The following PPP1R12B variants were observed in gnomAD, a reference collection of about 807,000 sequenced individuals.
PPP1R12B encodes protein phosphatase 1 regulatory subunit 12B.
In PPP1R12B, 76 loss-of-function variants were observed where a neutral mutation model predicts 126.1. The ratio of observed to expected loss-of-function variants is 0.60; its 90% CI spans 0.50 to 0.73. The LOEUF (loss-of-function observed/expected upper bound fraction) is 0.73. Ranked by LOEUF, PPP1R12B falls within the 30% of genes least tolerant of loss-of-function variation. PPP1R12B has a pLI of 0.00. For synonymous variants in PPP1R12B, 356 were observed against 434.7 expected, an observed-to-expected ratio of 0.82 and a Z score of 2.25; for missense variants, 1,052 against 1,205.1, an observed-to-expected ratio of 0.87 and a Z score of 1.88.
At chr1:202,462,896 G>A in intron 13 of PPP1R12B, 2 of 985,350 alleles carry the variant, frequency 2.0e-6, no homozygotes, top group Non-Finnish European at 2.4e-6. Context: ...GCTTTCACCT[G>A]GAATGATTTG....
Position 202,586,887 on chromosome 1 carries a change from A to G in PPP1R12B, c.*6327A>G, listed in dbSNP as rs1689847832. On this transcript the variant is annotated 3_prime_UTR_variant, in exon 24 of 24. Coordinates refer to ENST00000608999, the MANE Select transcript of PPP1R12B (RefSeq NM_002481.4). ...CAATTTGGGGATAACTCTTGGATCTAGCTTATGTGCGTTCACATGCACATT... is the reference window on the plus strand; with the variant it reads ...CAATTTGGGGATAACTCTTGGATCTGGCTTATGTGCGTTCACATGCACATT... 1 of 152,282 alleles carries G rather than the reference A, an allele frequency of 6.6e-6. No individual in the cohort carries two copies. The highest frequency in any genetic ancestry group is 6.5e-5 in the Admixed American group (1 of 15,286). The allele number at this position is 152,282 out of a possible 1,614,324, so 9.4% of individuals were successfully genotyped here.
chr1:202,386,950 A>G (rs1173626690), intron 1 of PPP1R12B, among the ~76,000 whole-genome samples: 5 of 152,224 alleles, frequency 3.3e-5, no homozygotes, highest in Non-Finnish European at 7.3e-5. Context: ...AAGTGAAATA[A>G]AAATAAGTTA....
intron 3 of PPP1R12B, among the ~76,000 whole-genome samples, chr1:202,424,687 T>G (rs1348192342): frequency 6.6e-6 from 1 of 152,066 alleles, no homozygotes; most frequent in Non-Finnish European, 1.5e-5. Flanking sequence ...GTGTAAAACT[T>G]TTTGAATGGG....
rs1016203855 is a variant in PPP1R12B at position 202,462,176 on chromosome 1, A to G, written c.1850+13005A>G. Reference sequence around the variant, plus strand: ...CTAATGGGCATGTGAATTATGTCTCAATAAAGCTGTTTAAAAATAACATTA... The same window carrying G: ...CTAATGGGCATGTGAATTATGTCTCGATAAAGCTGTTTAAAAATAACATTA... On this transcript the variant is annotated intron_variant, in intron 13 of 23. Coordinates refer to ENST00000608999, the MANE Select transcript of PPP1R12B (RefSeq NM_002481.4). 3.9e-5 allele frequency among the ~76,000 whole-genome samples: 6 copies of G among 152,208 alleles called. No homozygotes were observed. In the South Asian group the frequency reaches 1.2e-3, roughly 31 times the overall value.
intron 18 of PPP1R12B, among the ~76,000 whole-genome samples, chr1:202,505,204 A>T (rs1025277942): frequency 1.3e-5 from 2 of 152,198 alleles, no homozygotes; most frequent in African/African-American, 4.8e-5. Context: ...AAATGTTTCA[A>T]ATTGTGTTTG....
At chr1:202,537,479 G>C (rs1684667939) in intron 18 of PPP1R12B, among the ~76,000 whole-genome samples, 1 of 152,210 alleles carries the variant, frequency 6.6e-6, no homozygotes, top group South Asian at 2.1e-4. Flanking sequence ...GGGCATGACT[G>C]TACAGTGGTA....
chr1:202,366,910 G>A (rs1015524983), intron 1 of PPP1R12B, among the ~76,000 whole-genome samples: 1 of 152,174 alleles, frequency 6.6e-6, no homozygotes, highest in African/African-American at 2.4e-5. Context: ...TGGAGTCACT[G>A]TACTGTGCCA....
Position 202,588,991 on chromosome 1 carries a change from T to C in PPP1R12B, c.*8431T>C, listed in dbSNP as rs1690008313. 1 of 152,158 alleles carries C rather than the reference T, an allele frequency of 6.6e-6. No homozygotes were observed. Among genetic ancestry groups the C allele is most frequent in the Non-Finnish European group, 1.5e-5 (1 of 68,052 alleles). The allele number at this position is 152,158 out of a possible 1,614,324, so 9.4% of individuals were successfully genotyped here. ...GTGAACACTAGCACACTCTAGTACA[T>C]GGGAAAGTTGAGGTCTAGGGAGGTG... On this transcript the variant is annotated 3_prime_UTR_variant, in exon 24 of 24. Transcript: ENST00000608999.
chr1:202,354,669 G>A (rs1229026966), intron 1 of PPP1R12B, among the ~76,000 whole-genome samples: 1 of 149,992 alleles, frequency 6.7e-6, no homozygotes, highest in Non-Finnish European at 1.5e-5. Context: ...TTTTTTTTGA[G>A]ACAGAGTCTC....
chr1:202,402,753 C>CGT (rs568266152), intron 1 of PPP1R12B, among the ~76,000 whole-genome samples: 30 of 152,292 alleles, frequency 2.0e-4, no homozygotes, highest in African/African-American at 7.2e-4. Flanking sequence ...AGAGATGCAA[C>CGT]TCAAACACCT....
chr1:202,472,058 C>T, intron 13 of PPP1R12B: 1 of 1,594,104 alleles, frequency 6.3e-7, no homozygotes, highest in Non-Finnish European at 8.5e-7. Flanking sequence ...GGCGTTTCTT[C>T]TTGTGTTTCC....
intron 18 of PPP1R12B, among the ~76,000 whole-genome samples, chr1:202,503,430 A>G (rs545816026): frequency 3.3e-5 from 5 of 152,246 alleles, no homozygotes; most frequent in Non-Finnish European, 7.3e-5. Flanking sequence ...TCTGATTGAC[A>G]TATTTCTACA....
chr1:202,473,974 C>T (rs772846535), intron 13 of PPP1R12B: 9 of 531,422 alleles, frequency 1.7e-5, no homozygotes, highest in Middle Eastern at 3.2e-4. Context: ...TTTCTTGGAG[C>T]GCTCTTTGTC....
chr1:202,482,459 GT>G (rs1466039476), intron 13 of PPP1R12B, among the ~76,000 whole-genome samples: 1 of 152,030 alleles, frequency 6.6e-6, no homozygotes, highest in Non-Finnish European at 1.5e-5. Context: ...ACCTATTGTG[GT>G]TTTGATTTTC....
chr1:202,361,084 G>A (rs966376447), intron 1 of PPP1R12B, among the ~76,000 whole-genome samples: 3 of 151,936 alleles, frequency 2.0e-5, no homozygotes, highest in Admixed American at 2.0e-4. Flanking sequence ...TAGTAGAGAC[G>A]AGGTTTCACC....
chr1:202,460,852 A>G (rs1425145609), intron 13 of PPP1R12B, among the ~76,000 whole-genome samples: 1 of 152,222 alleles, frequency 6.6e-6, no homozygotes, highest in Non-Finnish European at 1.5e-5. Context: ...CCTAATCCTT[A>G]GGTAGCAAAA....
At chr1:202,536,436 A>T (rs1684536726) in intron 18 of PPP1R12B, among the ~76,000 whole-genome samples, 1 of 152,204 alleles carries the variant, frequency 6.6e-6, no homozygotes, top group Non-Finnish European at 1.5e-5. Context: ...ATTAAAAATG[A>T]TATACCTGTA....
At chr1:202,455,191 T>TAC in intron 13 of PPP1R12B, among the ~76,000 whole-genome samples, 1 of 124,836 alleles carries the variant, frequency 8.0e-6, no homozygotes, top group South Asian at 3.4e-4. Context: ...AGGAGCTATA[T>TAC]ACATATATAT....
At chr1:202,455,175 G>A (rs1427478435) in intron 13 of PPP1R12B, among the ~76,000 whole-genome samples, 1 of 148,342 alleles carries the variant, frequency 6.7e-6, no homozygotes, top group African/African-American at 2.4e-5. Flanking sequence ...AGCTTGAGGA[G>A]TAGGTAGGAG....
Sources: allele counts gnomAD v4.1 joint callset (sites outside exome capture counted in the v4.1 genomes callset), GRCh38; gene constraint gnomAD v4.1.1; transcripts MANE v1.5; gene names NCBI Gene and HGNC (gene_info 2026-07-23, HGNC 2026-07-21).